Variants in TMPRSS11F observed in about 807,000 individuals in gnomAD.
TMPRSS11F encodes the protein transmembrane protease serine 11F.
Under a neutral mutation model 60.2 loss-of-function variants are expected in TMPRSS11F, and 47 were observed. The ratio of observed to expected loss-of-function variants is 0.78; its 90% CI spans 0.62 to 1.00. The LOEUF is 1.00. TMPRSS11F is among the 50% of genes least tolerant of loss of function. TMPRSS11F has a pLI of 0.00. For missense variants in TMPRSS11F, 519 were observed against 522.9 expected, an observed-to-expected ratio of 0.99 and a Z score of 0.07; for synonymous variants, 166 against 167.3, an observed-to-expected ratio of 0.99 and a Z score of 0.06.
rs1274724746 is a variant in TMPRSS11F at position 68,098,895 on chromosome 4, A to G, written c.155T>C (p.Val52Ala). The change falls in exon 2 of 10, where the codon GTT (valine) becomes GCT (alanine). Residue 52 changes from valine (V) to alanine (A), a missense_variant. Transcript: ENST00000356291. ...GTGACCTGGATACTTACCCTCAACA[A>G]CAAAATGAGTAACAATACCAATTGC... ...GIAIGIVTHFVVEDDKSFYYL... is the reference protein window; with the variant it reads ...GIAIGIVTHFAVEDDKSFYYL... 6.2e-7 allele frequency: 1 copy of G among 1,610,822 alleles called. No individual in the cohort carries two copies. Among genetic ancestry groups the G allele is most frequent in the South Asian group, 1.1e-5 (1 of 90,446 alleles).
At chr4:68,111,169 C>T (rs1416911225) in intron 1 of TMPRSS11F, among the ~76,000 whole-genome samples, 4 of 152,030 alleles carry the variant, frequency 2.6e-5, no homozygotes, top group Non-Finnish European at 5.9e-5. Context: ...TTTTATATGA[C>T]TTGTCTAGTC....
At chr4:68,059,179 T>C (rs1723104891) in intron 9 of TMPRSS11F, 147 bp downstream of exon 9, 1 of 816,960 alleles carries the variant, frequency 1.2e-6, no homozygotes, top group Non-Finnish European at 1.8e-6. Context: ...TCAATACAAT[T>C]ATTGTTATTG....
chr4:68,105,285 A>C (rs1209718466), intron 1 of TMPRSS11F, among the ~76,000 whole-genome samples: 2 of 151,814 alleles, frequency 1.3e-5, no homozygotes, highest in African/African-American at 4.8e-5. Flanking sequence ...TTCTTTCTTC[A>C]TGTTAAAGTA....
At chr4:68,119,441 C>A (rs888934860) in intron 1 of TMPRSS11F, among the ~76,000 whole-genome samples, 1 of 152,162 alleles carries the variant, frequency 6.6e-6, no homozygotes, top group Non-Finnish European at 1.5e-5. Context: ...CTAGAGAGGA[C>A]AAGTCAATGC....
In TMPRSS11F at chr4:68,104,703, G is replaced by A. The variant is rs540844224; in HGVS notation, c.12-5665C>T. ...CTAGTACACCTTCTATTCCAAAACT[G>A]TTGAGAATTTTTATCAAGAAATAAT... On this transcript the variant is annotated intron_variant, in intron 1 of 9. Transcript: ENST00000356291. 6.0e-4 allele frequency among the ~76,000 whole-genome samples: 92 copies of A among 152,224 alleles called. 1 individual carries two copies. The South Asian group carries it at 6.2e-3, about 10-fold the overall frequency.
chr4:68,080,651 G>C (rs1168726108), intron 3 of TMPRSS11F: 1 of 152,174 alleles, frequency 6.6e-6, no homozygotes, highest in African/African-American at 2.4e-5. Context: ...GAGAAATCAT[G>C]CTGAGGCTAC....
intron 8 of TMPRSS11F, chr4:68,061,772 A>G (rs918326830): frequency 4.6e-6 from 2 of 439,410 alleles, no homozygotes; most frequent in African/African-American, 4.0e-5. Context: ...GAATACAGGA[A>G]GTGCTTTCAA....
At chr4:68,128,046 T>C (rs560681294) in intron 1 of TMPRSS11F, among the ~76,000 whole-genome samples, 1 of 152,252 alleles carries the variant, frequency 6.6e-6, no homozygotes, top group East Asian at 1.9e-4. Flanking sequence ...AAGTTGGATC[T>C]TGAACACATC....
chr4:68,094,062 T>G (rs375608803), intron 2 of TMPRSS11F, among the ~76,000 whole-genome samples: 13 of 128,996 alleles, frequency 1.0e-4, no homozygotes, highest in South Asian at 2.8e-4. Context: ...TATACCCAAA[T>G]GACTATAAAT....
intron 9 of TMPRSS11F, among the ~76,000 whole-genome samples, chr4:68,059,110 C>T (rs1248430946): frequency 2.0e-5 from 3 of 151,796 alleles, no homozygotes; most frequent in Non-Finnish European, 4.4e-5. Context: ...TATCTCATTA[C>T]ATTAAATGAA....
At chr4:68,085,032 AT>A (rs1204169014) in intron 3 of TMPRSS11F, among the ~76,000 whole-genome samples, 1 of 127,516 alleles carries the variant, frequency 7.8e-6, no homozygotes, top group Non-Finnish European at 1.6e-5. Flanking sequence ...ATGATTTCCA[AT>A]TTCATCCATG....
chr4:68,120,565 T>G (rs1724605655), intron 1 of TMPRSS11F, among the ~76,000 whole-genome samples: 1 of 151,582 alleles, frequency 6.6e-6, no homozygotes, highest in African/African-American at 2.4e-5. Context: ...ATTTTTTGTA[T>G]TTTTAGTAGA....
chr4:68,114,648 G>T (rs933889989), intron 1 of TMPRSS11F, among the ~76,000 whole-genome samples: 2 of 150,948 alleles, frequency 1.3e-5, no homozygotes, highest in African/African-American at 2.4e-5. Flanking sequence ...AATGAATCCA[G>T]CATATTCTGA....
intron 1 of TMPRSS11F, among the ~76,000 whole-genome samples, chr4:68,125,029 G>T (rs1346980178): frequency 1.2e-4 from 17 of 141,962 alleles, no homozygotes; most frequent in African/African-American, 3.6e-4. Flanking sequence ...CATTGGGAAT[G>T]CTGCATTGGT....
At chr4:68,054,163 C>T in intron 9 of TMPRSS11F, 96 bp from the exon 10 acceptor site, 1 of 1,080,350 alleles carries the variant, frequency 9.3e-7, no homozygotes, top group Non-Finnish European at 1.3e-6. Flanking sequence ...GAAATTGGTA[C>T]ACAGACCACA....
chr4:68,083,168 C>T (rs1057233954), intron 3 of TMPRSS11F, among the ~76,000 whole-genome samples: 1 of 152,172 alleles, frequency 6.6e-6, no homozygotes, highest in African/African-American at 2.4e-5. Context: ...TCAGATATAC[C>T]CCACAACCTG....
intron 1 of TMPRSS11F, among the ~76,000 whole-genome samples, chr4:68,128,771 G>C (rs774597139): frequency 1.3e-5 from 2 of 151,966 alleles, no homozygotes; most frequent in Admixed American, 1.3e-4. Context: ...ATACTTTGTT[G>C]TATTTAGTAA....
intron 2 of TMPRSS11F, among the ~76,000 whole-genome samples, chr4:68,091,217 C>A (rs887129808): frequency 6.6e-6 from 1 of 152,072 alleles, no homozygotes; most frequent in Non-Finnish European, 1.5e-5. Flanking sequence ...GTTTGTTTTA[C>A]TCCTTGATTT....
At chr4:68,129,736 T>G (rs549089427) in intron 1 of TMPRSS11F, 74 bp downstream of exon 1, 36 of 1,381,726 alleles carry the variant, frequency 2.6e-5, no homozygotes, top group Non-Finnish European at 3.6e-5. Context: ...AGCCAACATC[T>G]GTACTACCTG....
Sources: gnomAD v4.1 joint callset for allele counts (sites outside exome capture counted in the v4.1 genomes callset) on GRCh38, gnomAD v4.1.1 for gene constraint, MANE v1.5 for transcripts, NCBI Gene and HGNC (gene_info 2026-07-23, HGNC 2026-07-21) for gene names.